SYT3: variants seen among roughly 807,000 people sequenced by gnomAD.
The protein encoded by SYT3 is synaptotagmin-3.
SYT3 carries 25 observed loss-of-function variants against 50.6 expected under a neutral mutation model. The ratio of observed to expected loss-of-function variants is 0.49; its 90% CI spans 0.36 to 0.69. The LOEUF (loss-of-function observed/expected upper bound fraction) is 0.69, where lower values mean the gene tolerates loss of function less well. Ranked by LOEUF, SYT3 falls within the 30% of genes least tolerant of loss-of-function variation. The pLI is 0.00. For missense variants in SYT3, 589 were observed against 793.6 expected, an observed-to-expected ratio of 0.74 and a Z score of 3.10; for synonymous variants, 323 against 353.9, an observed-to-expected ratio of 0.91 and a Z score of 0.98.
chr19:50,640,896 C>T (rs1984655666), upstream of SYT3, among the ~76,000 whole-genome samples: 1 of 152,154 alleles, frequency 6.6e-6, no homozygotes, highest in Non-Finnish European at 1.5e-5. Flanking sequence ...CCTCAGTGCT[C>T]TCAATCAGTG....
intron 9 of SYT3, among the ~76,000 whole-genome samples, chr19:50,623,651 A>T (rs1253045169): frequency 8.8e-6 from 1 of 114,056 alleles, no homozygotes; most frequent in Non-Finnish European, 1.8e-5. Context: ...AAAAAAAAAA[A>T]ATTAGCAGGG....
At chr19:50,655,351 T>G in the SYT3 span, among the ~76,000 whole-genome samples, 1 of 152,182 alleles carries the variant, frequency 6.6e-6, no homozygotes, top group South Asian at 2.1e-4. Flanking sequence ...CTGAGAGTGT[T>G]GGAAAAACTG....
the SYT3 span, among the ~76,000 whole-genome samples, chr19:50,646,365 T>C: frequency 6.6e-6 from 1 of 152,118 alleles, no homozygotes; most frequent in Non-Finnish European, 1.5e-5. Flanking sequence ...CTTCAACTTA[T>C]GTTGGCTCGT....
At chr19:50,649,765 T>TA in the SYT3 span, 2 of 613,174 alleles carry the variant, frequency 3.3e-6, no homozygotes, top group Non-Finnish European at 6.1e-6. Flanking sequence ...CTCTGGGGCC[T>TA]AAGCAACACC....
chr19:50,629,779 C>T lies in SYT3; in HGVS notation c.1062+5G>A, dbSNP rs377739469. ...GAACCCGGTGTCCAGCCCGCTGCTC[C>T]GGACCTTGGTCTGAAACTTTTTCTT... On this transcript the variant is annotated splice_donor_5th_base_variant and intron_variant, in intron 5 of 10. Coordinates refer to ENST00000600079, the MANE Select transcript of SYT3 (RefSeq NM_001160329.2). 3.7e-6 allele frequency: 6 copies of T among 1,609,628 alleles called. No individual in the cohort carries two copies. Among genetic ancestry groups the T allele is most frequent in the Non-Finnish European group, 4.2e-6 (5 of 1,177,554 alleles).
Position 50,639,407 on chromosome 19 carries a change from G to A in SYT3, c.-153-245C>T, listed in dbSNP as rs535616995. ...GTCCTTAATGCCTCCGGGCTGCAGA[G>A]AGGATGGGATTTTTTTTTTTTTTTT... On this transcript the variant is annotated intron_variant, in intron 1 of 10. Coordinates refer to ENST00000600079, the MANE Select transcript of SYT3 (RefSeq NM_001160329.2). This position sits in a 1 kb window ranked among gnomAD's most constrained non-coding sequence, Gnocchi z 4.6. 2.1e-5 allele frequency: 3 copies of A among 144,480 alleles called. No individual in the cohort carries two copies. Among genetic ancestry groups the A allele is most frequent in the East Asian group, 2.0e-4 (1 of 5,064 alleles). 8.9% of individuals were successfully genotyped at this position (144,480 alleles called of 1,614,324 possible).
intron 3 of SYT3, among the ~76,000 whole-genome samples, chr19:50,634,677 A>G (rs544959519): frequency 3.7e-4 from 52 of 140,566 alleles, no homozygotes; most frequent in African/African-American, 1.3e-3. Context: ...TCCACCTCCC[A>G]GGTTCAAGCA....
At chr19:50,653,704 A>G in the SYT3 span, among the ~76,000 whole-genome samples, 1 of 145,490 alleles carries the variant, frequency 6.9e-6, no homozygotes, top group African/African-American at 2.7e-5. Context: ...ACACACACAC[A>G]CACACACACA....
In SYT3 at chr19:50,625,938, T is replaced by C. The variant is rs1213299570; in HGVS notation, c.1361A>G (p.Lys454Arg). ...TAGRLTVTII[K>R]ASNLKAMDLT... ...GTCCATCGCTTTGAGGTTAGAGGCT[T>C]TGATGATGGTCACGGTGAGGCGCCC... is the stretch of plus-strand genomic sequence containing the variant. The change falls in exon 7 of 11, where the codon AAA becomes AGA. Residue 454 changes from lysine (K) to arginine (R), a missense_variant. This residue lies in a region of SYT3 where 273 missense variants were observed against 439.3 expected (regional missense o/e 0.62). Transcript: ENST00000600079. The surrounding 1 kb of genome is among the most constrained non-coding windows in gnomAD (Gnocchi z 7.5). 3 of 1,613,980 alleles carry C rather than the reference T, an allele frequency of 1.9e-6. No individual in the cohort carries two copies. The African/African-American group carries it at 4.0e-5, about 22-fold the overall frequency.
At chr19:50,654,867 G>T in the SYT3 span, among the ~76,000 whole-genome samples, 1 of 152,152 alleles carries the variant, frequency 6.6e-6, no homozygotes, top group African/African-American at 2.4e-5. Context: ...AACCAGAATT[G>T]TATTTCTCTC....
At chr19:50,634,407 G>C (rs1285097329) in intron 3 of SYT3, among the ~76,000 whole-genome samples, 3 of 152,046 alleles carry the variant, frequency 2.0e-5, no homozygotes, top group Non-Finnish European at 4.4e-5. Flanking sequence ...AAGCTACAGT[G>C]GTGTGTGACA....
At position 50,625,917 on chromosome 19, in the gene SYT3, A is replaced by G. The variant is rs750754857; in HGVS notation, c.1382T>C (p.Met461Thr). 2 of 1,613,916 alleles carry G rather than the reference A, an allele frequency of 1.2e-6. No individual in the cohort carries two copies. The highest frequency in any genetic ancestry group is 1.7e-6 in the Non-Finnish European group (2 of 1,179,970). ...TIIKASNLKAMDLTGFSDPYV... is the reference protein window; with the variant it reads ...TIIKASNLKATDLTGFSDPYV... ...CTCACCTGAGAAGCCAGTGAGGTCC[A>G]TCGCTTTGAGGTTAGAGGCTTTGAT... The change falls in exon 7 of 11, where the codon ATG becomes ACG. Residue 461 changes from methionine (M) to threonine (T), a missense_variant. By Grantham distance (81) the Met-to-Thr change is moderately conservative. Around this residue, in one of 2 missense-constraint regions of SYT3, gnomAD observed 273 missense variants for 439.3 expected, o/e 0.62. Coordinates refer to ENST00000600079, the MANE Select transcript of SYT3 (RefSeq NM_001160329.2). The surrounding 1 kb of genome is among the most constrained non-coding windows in gnomAD (Gnocchi z 7.5).
At chr19:50,641,342 G>A (rs188265981), upstream of SYT3, among the ~76,000 whole-genome samples, 906 of 151,018 alleles carry the variant, frequency 6.0e-3, 7 homozygotes, top group African/African-American at 0.021. Flanking sequence ...ACCGTGCCCG[G>A]CTAATTTTTT....
the SYT3 span, among the ~76,000 whole-genome samples, chr19:50,656,991 GGAA>G: frequency 6.7e-6 from 1 of 148,480 alleles, no homozygotes; most frequent in African/African-American, 2.5e-5. Context: ...AAGGAAGGAA[GGAA>G]GGGAGGGAGG....
intron 3 of SYT3, among the ~76,000 whole-genome samples, chr19:50,634,201 T>A (rs746459415): frequency 7.9e-5 from 12 of 152,310 alleles, no homozygotes; most frequent in Non-Finnish European, 1.6e-4. Flanking sequence ...GGGAATTTGT[T>A]TTGAAATGGA....
intron 2 of SYT3, chr19:50,638,126 G>A (rs139003155): frequency 0.019 from 2,898 of 152,444 alleles, 42 homozygotes; most frequent in Middle Eastern, 0.068. Context: ...CACAGCTGGA[G>A]AATGTGTCAC....
chr19:50,633,960 A>G (rs1353203352), intron 3 of SYT3, among the ~76,000 whole-genome samples: 1 of 152,232 alleles, frequency 6.6e-6, no homozygotes, highest in Non-Finnish European at 1.5e-5. Context: ...ACGCTTCCCA[A>G]TAAATGGTAG....
the SYT3 span, among the ~76,000 whole-genome samples, chr19:50,654,915 T>C: frequency 3.9e-5 from 6 of 152,322 alleles, no homozygotes; most frequent in East Asian, 1.2e-3. Flanking sequence ...ACATCTTGGC[T>C]TGGTGAGAAG....
chr19:50,634,323 GA>G (rs1984422551), intron 3 of SYT3, among the ~76,000 whole-genome samples: 2 of 152,360 alleles, frequency 1.3e-5, no homozygotes, highest in African/African-American at 4.8e-5. Context: ...CAGCTGAGTG[GA>G]ATGGCTGTGT....
Sources: gnomAD v4.1 joint callset for allele counts (sites outside exome capture counted in the v4.1 genomes callset) on GRCh38, gnomAD v4.1.1 for gene constraint, gnomAD v4.1.1 regional missense constraint, Gnocchi (gnomAD v3.1) non-coding constraint, MANE v1.5 for transcripts, NCBI Gene and HGNC (gene_info 2026-07-23, HGNC 2026-07-21) for gene names.